The following ANGPT1 variants were observed in gnomAD, a reference collection of about 807,000 sequenced individuals.
ANGPT1 encodes the protein angiopoietin 1, also known as angiopoietin-1.
In ANGPT1, 17 loss-of-function variants were observed where a neutral mutation model predicts 62.2. That is an observed-to-expected ratio of 0.27 (90% CI 0.19 to 0.41). The LOEUF (loss-of-function observed/expected upper bound fraction) is 0.41. ANGPT1 is among the 10% of genes least tolerant of loss of function. The pLI, the probability that ANGPT1 is intolerant of heterozygous loss-of-function variation, is 1.00. For missense variants in ANGPT1, 478 were observed against 594.9 expected (o/e 0.80, Z 2.04); for synonymous variants, 199 against 198.9 (o/e 1.00, Z 0.00).
chr8:107,414,228 G>A (rs1048765044), intron 1 of ANGPT1, among the ~76,000 whole-genome samples: 3 of 152,126 alleles, frequency 2.0e-5, no homozygotes, highest in Non-Finnish European at 4.4e-5. Flanking sequence ...GGGAATCCAA[G>A]TGCACAGCTT....
At chr8:107,389,549 T>C (rs1215824647) in intron 1 of ANGPT1, among the ~76,000 whole-genome samples, 1 of 152,146 alleles carries the variant, frequency 6.6e-6, no homozygotes, top group Non-Finnish European at 1.5e-5. Flanking sequence ...CCATTGCACA[T>C]GTTCCACTGG....
intron 1 of ANGPT1, among the ~76,000 whole-genome samples, chr8:107,470,767 A>G (rs1812335554): frequency 6.6e-6 from 1 of 152,286 alleles, no homozygotes; most frequent in Non-Finnish European, 1.5e-5. Context: ...AAAAGAAGAC[A>G]TTTATCCAGC....
At chr8:107,409,498 C>T (rs569348849) in intron 1 of ANGPT1, among the ~76,000 whole-genome samples, 76 of 152,236 alleles carry the variant, frequency 5.0e-4, no homozygotes, top group African/African-American at 1.7e-3. Context: ...CTGTTCATCT[C>T]TGCTCAAATC....
At chr8:107,306,510 G>C (rs1364146453) in intron 4 of ANGPT1, among the ~76,000 whole-genome samples, 1 of 152,008 alleles carries the variant, frequency 6.6e-6, no homozygotes, top group Non-Finnish European at 1.5e-5. Context: ...ATGACTTTTT[G>C]CATGACTCGT....
Position 107,497,610 on chromosome 8 carries a change from T to A in ANGPT1, c.-52A>T. ...CCTCTCGCAAAACTTGCTCCTTTCT[T>A]CTGACCTCTAAAACTAGTTCTTTAT... On this transcript the variant is annotated 5_prime_UTR_variant, in exon 1 of 9. Transcript: ENST00000517746. 2 of 1,554,882 alleles carry A rather than the reference T, an allele frequency of 1.3e-6. No individual in the cohort carries two copies. Among genetic ancestry groups the A allele is most frequent in the South Asian group, 2.4e-5 (2 of 82,874 alleles).
At chr8:107,446,171 C>T (rs1811613319) in intron 1 of ANGPT1, among the ~76,000 whole-genome samples, 1 of 152,210 alleles carries the variant, frequency 6.6e-6, no homozygotes, top group African/African-American at 2.4e-5. Flanking sequence ...CCCGCCTTGG[C>T]TTCCCAGAGT....
chr8:107,473,081 T>G (rs1048581326), intron 1 of ANGPT1, among the ~76,000 whole-genome samples: 3 of 151,966 alleles, frequency 2.0e-5, no homozygotes, highest in Non-Finnish European at 2.9e-5. Context: ...GCAAGAAGAG[T>G]ATGGGTTTTT....
chr8:107,336,099 G>C, intron 3 of ANGPT1, 51 bp downstream of exon 3: 1 of 1,514,110 alleles, frequency 6.6e-7, no homozygotes, highest in Non-Finnish European at 8.8e-7. Context: ...GAGAGGTGAA[G>C]GATATAAATA....
At chr8:107,438,316 T>G (rs1811383623) in intron 1 of ANGPT1, among the ~76,000 whole-genome samples, 1 of 152,154 alleles carries the variant, frequency 6.6e-6, no homozygotes, top group Non-Finnish European at 1.5e-5. Flanking sequence ...TCTTCTTCTT[T>G]GTCACCTCCA....
chr8:107,331,329 C>A (rs1007050434), intron 3 of ANGPT1, among the ~76,000 whole-genome samples: 4 of 152,062 alleles, frequency 2.6e-5, no homozygotes, highest in African/African-American at 9.7e-5. Flanking sequence ...TCAGTGAATT[C>A]CCAAGGTAAA....
intron 1 of ANGPT1, among the ~76,000 whole-genome samples, chr8:107,475,341 T>A (rs1812489337): frequency 6.6e-6 from 1 of 152,200 alleles, no homozygotes; most frequent in South Asian, 2.1e-4. Flanking sequence ...GGGGAAAGCA[T>A]TCCCTATTTA....
chr8:107,292,476 C>A (rs1445005816), intron 6 of ANGPT1, among the ~76,000 whole-genome samples: 1 of 152,100 alleles, frequency 6.6e-6, no homozygotes, highest in Non-Finnish European at 1.5e-5. Context: ...AATACTAAGT[C>A]CTTAAGGCAA....
At position 107,251,068 on chromosome 8, in the gene ANGPT1, T is replaced by C. The variant is rs2129973651; in HGVS notation, c.*787A>G. Reference sequence around the variant, plus strand: ...ATTTATATATCATTCAATCAGTTTTTAGAGTAAATGAAAACCATAGTATGG... The same window carrying C: ...ATTTATATATCATTCAATCAGTTTTCAGAGTAAATGAAAACCATAGTATGG... On this transcript the variant is annotated 3_prime_UTR_variant, in exon 9 of 9. Coordinates refer to ENST00000517746, the MANE Select transcript of ANGPT1 (RefSeq NM_001146.5). The C allele has an allele frequency of 6.6e-6, 1 of 152,314 alleles. No individual in the cohort carries two copies. The highest frequency in any genetic ancestry group is 2.1e-4 in the South Asian group (1 of 4,828). 9.4% of individuals were successfully genotyped at this position (152,314 alleles called of 1,614,324 possible).
intron 1 of ANGPT1, among the ~76,000 whole-genome samples, chr8:107,458,138 A>C (rs1431996642): frequency 6.6e-6 from 1 of 152,124 alleles, no homozygotes; most frequent in Non-Finnish European, 1.5e-5. Context: ...GATAAACAAG[A>C]TTTGACTGAT....
chr8:107,462,607 A>G (rs1812098633), intron 1 of ANGPT1, among the ~76,000 whole-genome samples: 1 of 152,064 alleles, frequency 6.6e-6, no homozygotes, highest in African/African-American at 2.4e-5. Context: ...AAATGTGACT[A>G]GATTTGGAAG....
At chr8:107,381,489 T>C (rs1211742942) in intron 1 of ANGPT1, among the ~76,000 whole-genome samples, 2 of 151,990 alleles carry the variant, frequency 1.3e-5, no homozygotes, top group Non-Finnish European at 2.9e-5. Flanking sequence ...AAGAGAAGAG[T>C]AGGTGCCCTC....
At chr8:107,298,815 T>G (rs1404863299) in intron 5 of ANGPT1, among the ~76,000 whole-genome samples, 2 of 151,886 alleles carry the variant, frequency 1.3e-5, no homozygotes, top group Non-Finnish European at 2.9e-5. Flanking sequence ...CTTCGGTTTT[T>G]GTGTAGGTTG....
chr8:107,385,278 C>T (rs1243746932), intron 1 of ANGPT1, among the ~76,000 whole-genome samples: 1 of 152,048 alleles, frequency 6.6e-6, no homozygotes, highest in East Asian at 1.9e-4. Context: ...GAATGTTTTT[C>T]TACTTGTGTG....
intron 4 of ANGPT1, among the ~76,000 whole-genome samples, chr8:107,305,483 G>A (rs1814692335): frequency 6.6e-6 from 1 of 151,864 alleles, no homozygotes; most frequent in Admixed American, 6.6e-5. Flanking sequence ...GCTATGTGTG[G>A]GAAGAGGAAG....
Sources: allele counts gnomAD v4.1 joint callset (sites outside exome capture counted in the v4.1 genomes callset), GRCh38; gene constraint gnomAD v4.1.1; transcripts MANE v1.5; gene names NCBI Gene and HGNC (gene_info 2026-07-23, HGNC 2026-07-21).